The following HSPA14 variants were observed in gnomAD, a reference collection of about 807,000 sequenced individuals.
The protein encoded by HSPA14 is heat shock protein family A (Hsp70) member 14, also known as heat shock 70 kDa protein 14.
HSPA14 carries 37 observed loss-of-function variants against 65.5 expected under a neutral mutation model. The observed-to-expected ratio is 0.56, with a 90% confidence interval of 0.43 to 0.74. The LOEUF is 0.74. HSPA14 is among the 30% of genes least tolerant of loss of function. HSPA14 has a pLI of 0.00. For missense variants in HSPA14, 564 were observed against 607.6 expected (o/e 0.93, Z 0.75); for synonymous variants, 203 against 214.2 (o/e 0.95, Z 0.46).
chr10:14,848,662 G>T lies in HSPA14; in HGVS notation c.270+5G>T. On this transcript the variant is annotated splice_donor_5th_base_variant and intron_variant, in intron 4 of 13. Transcript: ENST00000378372. ...ATCGCGGAAAGTAAATGTTTAGTGA[G>T]TATGGTTCTGTTATTGCTTCCCTGT... 6.2e-7 allele frequency: 1 copy of T among 1,606,642 alleles called. No homozygotes were observed. The highest frequency in any genetic ancestry group is 8.5e-7 in the Non-Finnish European group (1 of 1,174,430).
At chr10:14,858,476 G>A (rs773097318) in intron 10 of HSPA14, among the ~76,000 whole-genome samples, 10 of 152,200 alleles carry the variant, frequency 6.6e-5, no homozygotes, top group Non-Finnish European at 1.5e-4. Flanking sequence ...ACTCTTCAGC[G>A]GTTTTCTGCA....
At chr10:14,850,717 ATG>A (rs1564322347) in intron 6 of HSPA14, 1 of 152,270 alleles carries the variant, frequency 6.6e-6, no homozygotes, top group South Asian at 2.1e-4. Context: ...CATTCAATAA[ATG>A]TGTATTGATT....
intron 6 of HSPA14, among the ~76,000 whole-genome samples, chr10:14,850,510 G>A (rs190099630): frequency 1.3e-5 from 2 of 152,206 alleles, no homozygotes; most frequent in East Asian, 1.9e-4. Flanking sequence ...AGGTCATTAT[G>A]CAAATGTATT....
At chr10:14,846,434 TAA>T in intron 3 of HSPA14, 2 of 985,244 alleles carry the variant, frequency 2.0e-6, no homozygotes, top group Non-Finnish European at 2.4e-6. Flanking sequence ...AATGTGGGAA[TAA>T]AAGTCAAGGG....
chr10:14,868,987 C>CAT (rs1832830856), intron 12 of HSPA14, among the ~76,000 whole-genome samples: 1 of 152,036 alleles, frequency 6.6e-6, no homozygotes, highest in South Asian at 2.1e-4. Flanking sequence ...GCTGGGACTA[C>CAT]AGGCGCCCAC....
In HSPA14 at chr10:14,854,193, C is replaced by T. The variant is rs561618316; in HGVS notation, c.803C>T (p.Ala268Val). Residue 268 changes from alanine (A) to valine (V), a missense_variant, in exon 9 of 14, where the codon GCG becomes GTG. By Grantham distance (64) the Ala-to-Val change is moderately conservative. Coordinates refer to ENST00000378372, the MANE Select transcript of HSPA14 (RefSeq NM_016299.4). ...MMKLTNSAEV[A>V]KHSLSTLGSA... Reference sequence around the variant, plus strand: ...AAATTAACGAACAGTGCTGAAGTAGCGAAACATTCTTTGTCAACCTTGGGA... The same window carrying T: ...AAATTAACGAACAGTGCTGAAGTAGTGAAACATTCTTTGTCAACCTTGGGA... The T allele has an allele frequency of 9.3e-6, 15 of 1,613,540 alleles. No homozygotes were observed. The highest frequency in any genetic ancestry group is 5.5e-5 in the South Asian group (5 of 90,972).
chr10:14,847,757 G>T (rs17353158), intron 3 of HSPA14, among the ~76,000 whole-genome samples: 77 of 152,272 alleles, frequency 5.1e-4, no homozygotes, highest in Admixed American at 9.2e-4. Flanking sequence ...TGGAAGAAGG[G>T]TTTAATGAAA....
intron 10 of HSPA14, among the ~76,000 whole-genome samples, chr10:14,862,696 A>G (rs1390761764): frequency 6.9e-6 from 1 of 145,560 alleles, no homozygotes; most frequent in Non-Finnish European, 1.5e-5. Context: ...CTTTTTTGAC[A>G]GGTTCTCACT....
intron 1 of HSPA14, 50 bp downstream of exon 1, chr10:14,838,509 TC>T (rs1833921618): frequency 6.5e-7 from 1 of 1,528,100 alleles, no homozygotes; most frequent in East Asian, 2.4e-5. Flanking sequence ...CACCCGGTTT[TC>T]TGGCGCTGGG....
Position 14,848,668 on chromosome 10 carries a change from TTC to T in HSPA14, c.270+13_270+14del, listed in dbSNP as rs150852688. On this transcript the variant is annotated intron_variant, in intron 4 of 13. Transcript: ENST00000378372. ...GAAAGTAAATGTTTAGTGAGTATGG[TTC>T]TGTTATTGCTTCCCTGTTACATAGA... 22,381 of 1,604,062 alleles carry T rather than the reference TTC, an allele frequency of 0.014. 203 individuals are homozygous for T. The highest frequency in any genetic ancestry group is 0.017 in the Non-Finnish European group (19,399 of 1,172,156).
At position 14,855,853 on chromosome 10, in the gene HSPA14, A is replaced by G; in HGVS notation, c.903A>G (p.Glu301=). The change falls in exon 10 of 14, where the codon GAA becomes GAG. Residue 301 remains glutamate, a synonymous_variant. Transcript: ENST00000378372. ...FDCNVSRARF[E]LLCSPLFNKC... ...TATGTGTGTACAGAGCAAGATTTGA[A>G]CTTCTTTGTTCTCCACTTTTTAATA... The G allele has an allele frequency of 6.3e-7, 1 of 1,594,108 alleles. No homozygotes were observed. Among genetic ancestry groups the G allele is most frequent in the South Asian group, 1.1e-5 (1 of 90,588 alleles).
chr10:14,842,633 T>TGG lies in HSPA14; in HGVS notation c.221+2478_221+2479dup, dbSNP rs1049956461. 6.5e-7 allele frequency: 1 copy of TGG among 1,536,070 alleles called. No homozygotes were observed. The highest frequency in any genetic ancestry group is 8.7e-7 in the Non-Finnish European group (1 of 1,146,944). On this transcript the variant is annotated intron_variant, in intron 3 of 13. Transcript: ENST00000378372. This position sits in a 1 kb window ranked among gnomAD's most constrained non-coding sequence, Gnocchi z 5.2. Reference sequence around the variant, plus strand: ...AGACAACTTAATGGAGGATGCTGCTTGGGCCAAGCACTGTGATCAGAACTT... The same window carrying TGG: ...AGACAACTTAATGGAGGATGCTGCTTGGGGGCCAAGCACTGTGATCAGAACTT...
chr10:14,851,408 G>A (rs1834107981), intron 7 of HSPA14, 85 bp downstream of exon 7: 3 of 791,284 alleles, frequency 3.8e-6, no homozygotes, highest in Non-Finnish European at 6.5e-6. Context: ...AGATTATTAT[G>A]TAATGCAGTG....
chr10:14,838,314 C>T lies in HSPA14; in HGVS notation c.-89C>T. The T allele has an allele frequency of 7.4e-7, 1 of 1,344,064 alleles. No individual in the cohort carries two copies. The highest frequency in any genetic ancestry group is 1.0e-6 in the Non-Finnish European group (1 of 969,302). 83.3% of individuals were successfully genotyped at this position (1,344,064 alleles called of 1,614,324 possible). A position where few individuals can be genotyped will look rare whatever the true frequency, so the allele number is the denominator to read the frequency against. On this transcript the variant is annotated 5_prime_UTR_variant, in exon 1 of 14. Coordinates refer to ENST00000378372, the MANE Select transcript of HSPA14 (RefSeq NM_016299.4). Reference sequence around the variant, plus strand: ...AGGGGGCTGGCGGGAACGTGAAGCTCCGCGGTGCCTGATGGGGCCGTTGGG... The same window carrying T: ...AGGGGGCTGGCGGGAACGTGAAGCTTCGCGGTGCCTGATGGGGCCGTTGGG...
At chr10:14,849,625 T>C (rs1010575327) in intron 5 of HSPA14, 96 bp from the exon 6 acceptor site, 9 of 999,910 alleles carry the variant, frequency 9.0e-6, no homozygotes, top group South Asian at 5.6e-5. Context: ...TTGGGAAATA[T>C]GTTAAGTGAG....
chr10:14,867,387 C>T (rs1408814942), intron 11 of HSPA14, 92 bp downstream of exon 11: 2 of 856,594 alleles, frequency 2.3e-6, no homozygotes, highest in Non-Finnish European at 3.7e-6. Context: ...AGTTTTTATA[C>T]ATACCATGAT....
intron 3 of HSPA14, chr10:14,844,343 G>T: frequency 9.7e-7 from 1 of 1,031,624 alleles, no homozygotes; most frequent in South Asian, 3.5e-5. Flanking sequence ...CCTTGGCTGA[G>T]GTAAGGCAGA....
At chr10:14,851,356 G>A (rs1034539039) in intron 7 of HSPA14, 33 bp downstream of exon 7, 1 of 1,201,632 alleles carries the variant, frequency 8.3e-7, no homozygotes, top group South Asian at 1.2e-5. Context: ...TAGGTTTTTT[G>A]AGTGCAGAAA....
intron 3 of HSPA14, chr10:14,844,677 A>G (rs1834024190): frequency 1.0e-6 from 1 of 976,796 alleles, no homozygotes; most frequent in African/African-American, 1.8e-5. Flanking sequence ...TACGGTTTAT[A>G]TCGATAATCT....
Sources: gnomAD v4.1 joint callset for allele counts (sites outside exome capture counted in the v4.1 genomes callset) on GRCh38, gnomAD v4.1.1 for gene constraint, Gnocchi (gnomAD v3.1) non-coding constraint, MANE v1.5 for transcripts, NCBI Gene and HGNC (gene_info 2026-07-23, HGNC 2026-07-21) for gene names.